GNG2: variants seen among roughly 807,000 people sequenced by gnomAD.
GNG2 encodes the protein guanine nucleotide-binding protein G(I)/G(S)/G(O) subunit gamma-2.
In GNG2, 5 loss-of-function variants were observed where a neutral mutation model predicts 5.5. The observed-to-expected ratio is 0.91, with a 90% CI of 0.48 to 1.92. The LOEUF (loss-of-function observed/expected upper bound fraction) is 1.92, where lower values mean the gene tolerates loss of function less well. GNG2 is among the 30% of genes most tolerant of loss of function. GNG2 has a pLI of 0.01. For missense variants in GNG2, 55 were observed against 88.4 expected (o/e 0.62, Z 1.52); for synonymous variants, 28 against 32.0 (o/e 0.88, Z 0.42).
At chr14:51,929,337 A>T (rs1887521739) in intron 2 of GNG2, among the ~76,000 whole-genome samples, 1 of 152,214 alleles carries the variant, frequency 6.6e-6, no homozygotes, top group Non-Finnish European at 1.5e-5. Context: ...CCGATGGTGG[A>T]TGCAGTTCAT....
In GNG2 at chr14:51,875,947, C is replaced by CTTTCTTTTTTTT. The variant is rs112829065; in HGVS notation, c.-70-1667_-70-1666insCTTTTTTTTTTT. On this transcript the variant is annotated intron_variant, in intron 1 of 3. Coordinates refer to ENST00000556766, the MANE Select transcript of GNG2 (RefSeq NM_053064.5). ...TTTTTCATCATTTAAACATTTTTTT[C>CTTTCTTTTTTTT]TTTTTTCCGAGACAGACTCTCACTC... Among the ~76,000 whole-genome samples, 4 of 141,158 alleles carry CTTTCTTTTTTTT rather than the reference C, an allele frequency of 2.8e-5. 1 individual carries two copies. The East Asian group carries it at 6.1e-4, about 21-fold the overall frequency. The allele number at this position is 141,158 out of a possible 152,430, so 92.6% of individuals were successfully genotyped here. A position where few individuals can be genotyped will look rare whatever the true frequency, so the allele number is the denominator to read the frequency against.
intron 2 of GNG2, among the ~76,000 whole-genome samples, chr14:51,833,517 C>CATTTGCTCCATT (rs774816906): frequency 3.9e-5 from 6 of 152,172 alleles, no homozygotes; most frequent in Non-Finnish European, 5.9e-5. Context: ...ATAATAATAA[C>CATTTGCTCCATT]ATTTGCTCCA....
chr14:51,843,712 T>C (rs375653544), intron 2 of GNG2, among the ~76,000 whole-genome samples: 10 of 152,322 alleles, frequency 6.6e-5, no homozygotes, highest in African/African-American at 2.4e-4. Flanking sequence ...ATCAGTCCTC[T>C]TGACTAACAG....
At chr14:51,942,571 C>CTATT (rs142157409) in intron 2 of GNG2, among the ~76,000 whole-genome samples, 1 of 55,646 alleles carries the variant, frequency 1.8e-5, no homozygotes, top group African/African-American at 7.0e-5. Context: ...TTTATTTTTT[C>CTATT]TCTTTCTTTC....
At chr14:51,950,428 T>C (rs1204324180) in intron 2 of GNG2, among the ~76,000 whole-genome samples, 1 of 152,202 alleles carries the variant, frequency 6.6e-6, no homozygotes, top group Non-Finnish European at 1.5e-5. Context: ...GTGTTTTTTT[T>C]CTCTCTAAAG....
intron 2 of GNG2, among the ~76,000 whole-genome samples, chr14:51,890,899 G>GCA (rs1884801257): frequency 1.9e-5 from 1 of 53,002 alleles, no homozygotes; most frequent in African/African-American, 9.7e-5. Context: ...TATACACATG[G>GCA]TATATGAAAT....
intron 2 of GNG2, among the ~76,000 whole-genome samples, chr14:51,915,587 T>C (rs1886572981): frequency 6.6e-6 from 1 of 152,216 alleles, no homozygotes; most frequent in South Asian, 2.1e-4. Context: ...TTCTCTTTTA[T>C]AAAGTGACTT....
chr14:51,910,562 A>G (rs1429362365), intron 2 of GNG2, among the ~76,000 whole-genome samples: 1 of 152,196 alleles, frequency 6.6e-6, no homozygotes, highest in Non-Finnish European at 1.5e-5. Context: ...TCAAGACTCT[A>G]TTAGCCATGT....
chr14:51,950,293 A>G (rs536980202), intron 2 of GNG2, among the ~76,000 whole-genome samples: 3 of 152,322 alleles, frequency 2.0e-5, no homozygotes, highest in South Asian at 4.1e-4. Flanking sequence ...GGATTAAGTG[A>G]CACTGAAAAG....
At chr14:51,834,422 C>T (rs908480253) in intron 2 of GNG2, among the ~76,000 whole-genome samples, 2 of 152,320 alleles carry the variant, frequency 1.3e-5, no homozygotes, top group East Asian at 3.9e-4. Context: ...ATGAGGCCTT[C>T]CTTGGTGACA....
In GNG2 at chr14:51,916,441, A is replaced by G. The variant is rs762896155; in HGVS notation, c.-29-34209A>G. The stretch of plus-strand genomic sequence containing the variant: ...CCTATTTTGTACTAAGTTATTTCAT[A>G]TTTCGGTCTCTAGGATGCCAGTGTT... On this transcript the variant is annotated intron_variant, in intron 2 of 3. Coordinates refer to ENST00000556766, the MANE Select transcript of GNG2 (RefSeq NM_053064.5). 23 of 453,222 alleles carry G rather than the reference A, an allele frequency of 5.1e-5. 1 individual carries two copies. Among genetic ancestry groups the G allele is most frequent in the South Asian group, 2.7e-4 (17 of 63,660 alleles). 28.1% of individuals were successfully genotyped at this position (453,222 alleles called of 1,614,324 possible).
rs1881182691 is a variant in GNG2 at position 51,831,369 on chromosome 14, A to G, written c.64+3562A>G. Among the ~76,000 whole-genome samples, 4 of 152,254 alleles carry G rather than the reference A, an allele frequency of 2.6e-5. No homozygotes were observed. The South Asian group carries it at 8.3e-4, about 31-fold the overall frequency. ...ATGGGACAGGAATTATTGCCTGTAT[A>G]GATCACTGCATAGTCCCCAGTACTT... On this transcript the variant is annotated intron_variant, in intron 2 of 3. Coordinates refer to the GNG2 transcript ENST00000553432.
chr14:51,880,478 C>G (rs375575329), intron 2 of GNG2, among the ~76,000 whole-genome samples: 37 of 152,184 alleles, frequency 2.4e-4, no homozygotes, highest in Admixed American at 4.6e-4. Context: ...CCATTTCTTG[C>G]CGGGTGTATG....
chr14:51,853,200 A>G (rs763897006), intron 2 of GNG2, among the ~76,000 whole-genome samples: 2 of 152,218 alleles, frequency 1.3e-5, no homozygotes, highest in Non-Finnish European at 2.9e-5. Flanking sequence ...ATATTCAGTT[A>G]AAGTTAACAA....
At chr14:51,852,444 A>G (rs1881951727) in intron 2 of GNG2, among the ~76,000 whole-genome samples, 1 of 152,248 alleles carries the variant, frequency 6.6e-6, no homozygotes, top group Admixed American at 6.5e-5. Flanking sequence ...TTACCTATGA[A>G]TTCTAGGATT....
chr14:51,899,889 G>GT (rs1464173198), intron 2 of GNG2, among the ~76,000 whole-genome samples: 2 of 152,174 alleles, frequency 1.3e-5, no homozygotes, highest in East Asian at 3.8e-4. Flanking sequence ...TATTTGTCAT[G>GT]TTTTGTTTCC....
chr14:51,855,735 A>G (rs1882124621), upstream of GNG2, among the ~76,000 whole-genome samples: 1 of 152,120 alleles, frequency 6.6e-6, no homozygotes, highest in Non-Finnish European at 1.5e-5. Flanking sequence ...CCTGCAGCCC[A>G]CACATGCACT....
In GNG2 at chr14:51,967,536, A is replaced by C. The variant is rs1263189845; in HGVS notation, c.*849A>C. 1.3e-5 allele frequency: 2 copies of C among 152,180 alleles called. No homozygotes were observed. The highest frequency in any genetic ancestry group is 2.9e-5 in the Non-Finnish European group (2 of 68,034). The allele number at this position is 152,180 out of a possible 1,614,324, so 9.4% of individuals were successfully genotyped here. A position where few individuals can be genotyped will look rare whatever the true frequency, so the allele number is the denominator to read the frequency against. ...AGCTGGGAAAGGAAATGAGAGGGAA[A>C]AGACCCCGGAGAGGGAAGAAAATCT... On this transcript the variant is annotated 3_prime_UTR_variant, in exon 4 of 4. Transcript: ENST00000556766.
rs188835477 is a variant in GNG2 at position 51,869,158 on chromosome 14, G to C, written c.-71+8368G>C. 7.6e-4 allele frequency among the ~76,000 whole-genome samples: 116 copies of C among 152,300 alleles called. 2 individuals are homozygous for C. The highest frequency in any genetic ancestry group is 5.9e-3 in the Admixed American group (91 of 15,296). On this transcript the variant is annotated intron_variant, in intron 1 of 3. Transcript: ENST00000556766. ...AGAATTAAGTTGAGAATGAACATTT[G>C]TTAGGCATTCAGTTTGTGCTGGATA...
Sources: allele counts gnomAD v4.1 joint callset (sites outside exome capture counted in the v4.1 genomes callset), GRCh38; gene constraint gnomAD v4.1.1; transcripts MANE v1.5; gene names NCBI Gene and HGNC (gene_info 2026-07-23, HGNC 2026-07-21).